CREG2: variants seen among roughly 807,000 people sequenced by gnomAD.
CREG2 encodes the protein protein CREG2.
In CREG2, 24 loss-of-function variants were observed where a neutral mutation model predicts 26.2. The ratio of observed to expected loss-of-function variants is 0.92; its 90% confidence interval spans 0.66 to 1.29. The LOEUF is 1.29. CREG2 is among the 50% of genes most tolerant of loss of function. The probability of loss-of-function intolerance (pLI) is 0.00; values close to 1 mark genes in which losing one functional copy is unlikely to be tolerated. For synonymous variants in CREG2, 174 were observed against 169.2 expected (o/e 1.03, Z -0.22); for missense variants, 366 against 398.6 (o/e 0.92, Z 0.70).
chr2:101,360,818 T>C (rs990100539), intron 2 of CREG2, among the ~76,000 whole-genome samples: 10 of 152,184 alleles, frequency 6.6e-5, no homozygotes, highest in African/African-American at 2.4e-4. Flanking sequence ...GTTGTAAATT[T>C]TTCTTCTGAG....
At chr2:101,360,765 A>G (rs1477149778) in intron 2 of CREG2, among the ~76,000 whole-genome samples, 8 of 152,066 alleles carry the variant, frequency 5.3e-5, no homozygotes, top group African/African-American at 1.9e-4. Flanking sequence ...AAAGAAAATT[A>G]TAATCTGTGG....
chr2:101,379,121 A>C (rs918378798), intron 2 of CREG2, among the ~76,000 whole-genome samples: 1 of 152,182 alleles, frequency 6.6e-6, no homozygotes, highest in African/African-American at 2.4e-5. Flanking sequence ...CTCCTCCAAA[A>C]AGAAGGGCAG....
rs112305998 is a variant in CREG2, at chr2:101,361,747, A to G, written c.612-6381T>C. ...TAATACACCATCTAAAGGAAGTTGG[A>G]TGGCAGCCCCACCCTTAGTCACAGG... On this transcript the variant is annotated intron_variant, in intron 2 of 3. Coordinates refer to ENST00000324768, the MANE Select transcript of CREG2 (RefSeq NM_153836.4). 3.8e-3 allele frequency among the ~76,000 whole-genome samples: 574 copies of G among 152,316 alleles called. 4 individuals carry two copies. Among genetic ancestry groups the G allele is most frequent in the African/African-American group, 0.012 (494 of 41,572 alleles).
At chr2:101,380,953 A>AC (rs1183666911) in intron 2 of CREG2, among the ~76,000 whole-genome samples, 1 of 151,904 alleles carries the variant, frequency 6.6e-6, no homozygotes, top group African/African-American at 2.4e-5. Context: ...AAAAAAAAAA[A>AC]TGCTGTTGCA....
chr2:101,367,632 A>G (rs1684637529), intron 2 of CREG2, among the ~76,000 whole-genome samples: 1 of 152,198 alleles, frequency 6.6e-6, no homozygotes, highest in South Asian at 2.1e-4. Context: ...AAGAAGTCCT[A>G]ATCCCCGGAA....
chr2:101,359,522 A>G (rs1684510075), intron 2 of CREG2, among the ~76,000 whole-genome samples: 1 of 152,064 alleles, frequency 6.6e-6, no homozygotes, highest in Non-Finnish European at 1.5e-5. Context: ...GGTTTTTTCT[A>G]TCTATTGGGA....
chr2:101,365,626 A>G (rs372353785), intron 2 of CREG2, among the ~76,000 whole-genome samples: 18 of 152,318 alleles, frequency 1.2e-4, no homozygotes, highest in Admixed American at 1.2e-3. Flanking sequence ...GCATACCAGT[A>G]TAATGCCTCA....
chr2:101,367,735 T>C (rs996223093), intron 2 of CREG2, among the ~76,000 whole-genome samples: 5 of 152,144 alleles, frequency 3.3e-5, no homozygotes, highest in African/African-American at 7.2e-5. Flanking sequence ...GATTATCCAG[T>C]GGGCCCAATA....
At position 101,348,024 on chromosome 2, in the gene CREG2, T is replaced by C. The variant is rs1385630435; in HGVS notation, c.*2899A>G. 6.6e-6 allele frequency: 1 copy of C among 152,228 alleles called. No homozygotes were observed. The highest frequency in any genetic ancestry group is 6.5e-5 in the Admixed American group (1 of 15,284). The allele number at this position is 152,228 out of a possible 1,614,324, so 9.4% of individuals were successfully genotyped here. A position where few individuals can be genotyped will look rare whatever the true frequency, so the allele number is the denominator to read the frequency against. On this transcript the variant is annotated 3_prime_UTR_variant, in exon 4 of 4. Coordinates refer to ENST00000324768, the MANE Select transcript of CREG2 (RefSeq NM_153836.4). Reference sequence around the variant, plus strand: ...GTCCAAGGTTCATTTTATTTTCCTATGGATGTCCACTTACTCCACACTTAT... The same window carrying C: ...GTCCAAGGTTCATTTTATTTTCCTACGGATGTCCACTTACTCCACACTTAT...
At chr2:101,351,571 T>A (rs1684381865) in intron 3 of CREG2, among the ~76,000 whole-genome samples, 1 of 152,174 alleles carries the variant, frequency 6.6e-6, no homozygotes, top group South Asian at 2.1e-4. Flanking sequence ...GTGAAACCAG[T>A]TCGTTCATGG....
intron 2 of CREG2, among the ~76,000 whole-genome samples, chr2:101,378,757 G>A (rs910953980): frequency 1.3e-5 from 2 of 152,034 alleles, no homozygotes; most frequent in Admixed American, 6.6e-5. Flanking sequence ...CTAGCTGGGT[G>A]CAGCACTTTG....
chr2:101,359,469 G>A lies in CREG2; in HGVS notation c.612-4103C>T, dbSNP rs540075736. Among the ~76,000 whole-genome samples the A allele has an allele frequency of 8.5e-4, 130 of 152,248 alleles. 1 individual carries two copies. The highest frequency in any genetic ancestry group is 3.1e-3 in the African/African-American group (127 of 41,540). On this transcript the variant is annotated intron_variant, in intron 2 of 3. Coordinates refer to ENST00000324768, the MANE Select transcript of CREG2 (RefSeq NM_153836.4). Reference sequence around the variant, plus strand: ...TGCACACATGTGAGCCCACTTACCCGGCTCCTGAGATATTAGTAGGAAGTC... The same window carrying A: ...TGCACACATGTGAGCCCACTTACCCAGCTCCTGAGATATTAGTAGGAAGTC...
chr2:101,379,033 G>T (rs1684832251), intron 2 of CREG2, among the ~76,000 whole-genome samples: 1 of 151,782 alleles, frequency 6.6e-6, no homozygotes, highest in South Asian at 2.1e-4. Flanking sequence ...AGAAAAAGGA[G>T]AGATCACCAA....
In CREG2 at chr2:101,351,030, AC is replaced by A; in HGVS notation, c.765del (p.Trp255CysfsTer4). The A allele has an allele frequency of 6.2e-7, 1 of 1,614,194 alleles. No individual in the cohort carries two copies. Among genetic ancestry groups the A allele is most frequent in the Non-Finnish European group, 8.5e-7 (1 of 1,180,018 alleles). On this transcript the variant is annotated frameshift_variant, in exon 4 of 4. Transcript: ENST00000324768. LOFTEE classifies it high-confidence loss of function. ...TGTTCTATCCTCATCTTCATAAAGA[AC>A]CATTCATATTGACGAGGCCACTTCC... ...GMRKWPRQYEWFFMKMRIEHI... is the reference protein window; with the variant it reads ...GMRKWPRQYEXFFMKMRIEHI...
intron 2 of CREG2, among the ~76,000 whole-genome samples, chr2:101,369,668 T>TGTGC (rs1386983844): frequency 1.3e-5 from 2 of 152,192 alleles, no homozygotes; most frequent in Non-Finnish European, 2.9e-5. Flanking sequence ...CGTATTTCCA[T>TGTGC]GTGCGTCTTA....
chr2:101,363,851 AACACACACACACACACAC>A (rs5832961), intron 2 of CREG2, among the ~76,000 whole-genome samples: 1 of 145,988 alleles, frequency 6.8e-6, no homozygotes, highest in Non-Finnish European at 1.5e-5. Flanking sequence ...CCCTGTCTCA[AACACACACACACACACAC>A]ACACACACAC....
Position 101,350,596 on chromosome 2 carries a change from TC to T in CREG2, c.*326del, listed in dbSNP as rs11314603. The T allele has an allele frequency of 0.66, 124,974 of 188,864 alleles. 42,568 individuals are homozygous for T. The highest frequency in any genetic ancestry group is 0.75 in the South Asian group (4,617 of 6,196). 11.7% of individuals were successfully genotyped at this position (188,864 alleles called of 1,614,324 possible). ...TTGTAGGTACAGGCATTTTTTTTTT[TC>T]CTTAAACAATGAAACAACAATGATC... On this transcript the variant is annotated 3_prime_UTR_variant, in exon 4 of 4. Transcript: ENST00000324768.
At chr2:101,372,846 C>T (rs930092835) in intron 2 of CREG2, among the ~76,000 whole-genome samples, 2 of 152,090 alleles carry the variant, frequency 1.3e-5, no homozygotes, top group Admixed American at 1.3e-4. Context: ...TAGACAGTTC[C>T]CCAAAGGAGA....
At chr2:101,357,942 A>C (rs1684486054) in intron 2 of CREG2, among the ~76,000 whole-genome samples, 3 of 143,250 alleles carry the variant, frequency 2.1e-5, no homozygotes, top group Non-Finnish European at 3.0e-5. Flanking sequence ...GCACCACTGC[A>C]CTCCAGCCTG....
Sources: allele counts gnomAD v4.1 joint callset (sites outside exome capture counted in the v4.1 genomes callset), GRCh38; gene constraint gnomAD v4.1.1; transcripts MANE v1.5; gene names NCBI Gene and HGNC (gene_info 2026-07-23, HGNC 2026-07-21).